Variants in RIC1 observed in about 807,000 individuals in gnomAD.
RIC1 encodes the protein guanine nucleotide exchange factor subunit RIC1.
A neutral mutation model predicts 169.0 loss-of-function variants in RIC1; 88 were observed. The observed-to-expected ratio is 0.52, with a 90% confidence interval of 0.44 to 0.62. RIC1 has a LOEUF of 0.62. RIC1 is among the 20% of genes least tolerant of loss of function. RIC1 has a pLI of 0.00. For synonymous variants in RIC1, 790 were observed against 601.5 expected, an observed-to-expected ratio of 1.31 and a Z score of -4.59; for missense variants, 1,877 against 1,725.5, an observed-to-expected ratio of 1.09 and a Z score of -1.56.
At chr9:5,752,275 G>C (rs1223763609) in intron 12 of RIC1, among the ~76,000 whole-genome samples, 1 of 151,972 alleles carries the variant, frequency 6.6e-6, no homozygotes, top group Non-Finnish European at 1.5e-5. Context: ...TTGTAGATAA[G>C]TAAGTCAAAT....
intron 3 of RIC1, among the ~76,000 whole-genome samples, chr9:5,697,098 G>T (rs768370852): frequency 6.6e-6 from 1 of 152,148 alleles, no homozygotes; most frequent in Admixed American, 6.5e-5. Flanking sequence ...CTATGTATTT[G>T]GATAGTATTC....
intron 1 of RIC1, among the ~76,000 whole-genome samples, chr9:5,647,052 T>G (rs1302319710): frequency 6.6e-6 from 1 of 152,228 alleles, no homozygotes; most frequent in Non-Finnish European, 1.5e-5. Context: ...CAGCACTGTT[T>G]GTTGAAAAGA....
chr9:5,639,914 G>A (rs1053189224), intron 1 of RIC1, among the ~76,000 whole-genome samples: 2 of 151,958 alleles, frequency 1.3e-5, no homozygotes, highest in African/African-American at 2.4e-5. Context: ...GTTTCCATTG[G>A]CATGTAATAT....
intron 17 of RIC1, 143 bp downstream of exon 17, chr9:5,757,594 A>G (rs923188563): frequency 2.6e-6 from 2 of 780,094 alleles, no homozygotes; most frequent in Non-Finnish European, 4.0e-6. Flanking sequence ...GCAGTGGCAA[A>G]TTAAAAAGAC....
downstream of RIC1, among the ~76,000 whole-genome samples, chr9:5,778,282 TTTC>T (rs1827687929): frequency 6.6e-6 from 1 of 152,194 alleles, no homozygotes; most frequent in South Asian, 2.1e-4. Flanking sequence ...CATCAAACTT[TTTC>T]TTTTTTGTGG....
At chr9:5,754,539 G>A (rs973575077) in intron 14 of RIC1, among the ~76,000 whole-genome samples, 2 of 152,060 alleles carry the variant, frequency 1.3e-5, no homozygotes, top group Non-Finnish European at 2.9e-5. Context: ...GACCAGCCTG[G>A]CCAACATGAC....
At chr9:5,756,463 C>A in intron 16 of RIC1, 91 bp downstream of exon 16, 1 of 822,124 alleles carries the variant, frequency 1.2e-6, no homozygotes, top group Non-Finnish European at 1.7e-6. Flanking sequence ...AGTTATTCCA[C>A]TTTTATATTC....
Position 5,695,604 on chromosome 9 carries a change from G to A in RIC1, c.332+5566G>A, listed in dbSNP as rs140892031. On this transcript the variant is annotated intron_variant, in intron 3 of 25. Coordinates refer to ENST00000414202, the MANE Select transcript of RIC1 (RefSeq NM_020829.4). ...TTTTTTTTTTTTGAGACAGAGTCTC[G>A]CTCTGTCGCCTGTGCTGGAGTGCAG... Among the ~76,000 whole-genome samples, 880 of 135,346 alleles carry A rather than the reference G, an allele frequency of 6.5e-3. 14 individuals carry two copies. The highest frequency in any genetic ancestry group is 0.023 in the African/African-American group (839 of 35,922). The allele number at this position is 135,346 out of a possible 152,430, so 88.8% of individuals were successfully genotyped here. A position where few individuals can be genotyped will look rare whatever the true frequency, so the allele number is the denominator to read the frequency against.
rs998918065 is a variant in RIC1, at chr9:5,641,842, T to C, written c.144+12389T>C. Among the ~76,000 whole-genome samples the C allele has an allele frequency of 6.2e-5, 9 of 144,490 alleles. 3 individuals carry two copies. The highest frequency in any genetic ancestry group is 2.6e-4 in the African/African-American group (9 of 35,218). The allele number at this position is 144,490 out of a possible 152,430, so 94.8% of individuals were successfully genotyped here. ...CTTCTCTGTGTTATCTTCAATTTCT[T>C]TGACTTTCCTCAACATAGCTATTTT... On this transcript the variant is annotated intron_variant, in intron 1 of 25. Transcript: ENST00000414202.
At chr9:5,735,893 A>G (rs1824673792) in intron 7 of RIC1, among the ~76,000 whole-genome samples, 1 of 152,222 alleles carries the variant, frequency 6.6e-6, no homozygotes. Context: ...AATGACACTA[A>G]ATTTGATCAC....
intron 24 of RIC1, 69 bp downstream of exon 24, chr9:5,772,810 T>A: frequency 6.5e-7 from 1 of 1,548,126 alleles, no homozygotes. Context: ...GGTATGGGGC[T>A]ACTCTCCTAA....
Position 5,662,922 on chromosome 9 carries a change from T to A in RIC1, c.252+6232T>A, listed in dbSNP as rs146430188. ...TTCTCTAGTTCTCTTAGTTGTGGTG[T>A]TAGGTTGTTAACTTGAGATCTTTGT... On this transcript the variant is annotated intron_variant, in intron 2 of 25. Coordinates refer to ENST00000414202, the MANE Select transcript of RIC1 (RefSeq NM_020829.4). Among the ~76,000 whole-genome samples, 100 of 152,356 alleles carry A rather than the reference T, an allele frequency of 6.6e-4. 1 individual carries two copies. The East Asian group carries it at 0.019, about 28-fold the overall frequency.
intron 17 of RIC1, among the ~76,000 whole-genome samples, chr9:5,761,104 CTTTTTTTTT>C (rs71326188): frequency 2.1e-5 from 2 of 94,666 alleles, no homozygotes; most frequent in Admixed American, 1.3e-4. Flanking sequence ...CCAGCCTCAC[CTTTTTTTTT>C]TTTTTTTTTT....
intron 6 of RIC1, among the ~76,000 whole-genome samples, chr9:5,723,242 C>T (rs920274243): frequency 6.6e-6 from 1 of 152,184 alleles, no homozygotes; most frequent in Non-Finnish European, 1.5e-5. Context: ...TTTTAATGAT[C>T]ACCATTTTAA....
intron 4 of RIC1, among the ~76,000 whole-genome samples, chr9:5,714,882 G>A (rs1391369136): frequency 6.6e-6 from 1 of 152,112 alleles, no homozygotes; most frequent in Non-Finnish European, 1.5e-5. Context: ...CTATGTAAAT[G>A]TATTGAATTA....
intron 1 of RIC1, among the ~76,000 whole-genome samples, chr9:5,650,383 G>C (rs1818739386): frequency 1.3e-5 from 2 of 152,050 alleles, no homozygotes; most frequent in African/African-American, 4.8e-5. Flanking sequence ...GGGCCCTTGG[G>C]GGTATGTGGT....
At chr9:5,659,990 C>A (rs1243805313) in intron 2 of RIC1, among the ~76,000 whole-genome samples, 38 of 152,132 alleles carry the variant, frequency 2.5e-4, no homozygotes, top group Admixed American at 2.5e-3. Flanking sequence ...AGATGCTCTC[C>A]CTCATCCTGC....
chr9:5,776,889 A>G (rs373008350), downstream of RIC1, among the ~76,000 whole-genome samples: 50 of 152,254 alleles, frequency 3.3e-4, no homozygotes, highest in South Asian at 9.5e-3. Flanking sequence ...GTCATTTCTA[A>G]TAAGCGGGAT....
chr9:5,683,983 C>T (rs1303768025), intron 2 of RIC1, among the ~76,000 whole-genome samples: 2 of 152,182 alleles, frequency 1.3e-5, no homozygotes, highest in African/African-American at 4.8e-5. Flanking sequence ...CATTTGTTAA[C>T]CCTGTTGGAA....
Sources: gnomAD v4.1 joint callset for allele counts (sites outside exome capture counted in the v4.1 genomes callset) on GRCh38, gnomAD v4.1.1 for gene constraint, MANE v1.5 for transcripts, NCBI Gene and HGNC (gene_info 2026-07-23, HGNC 2026-07-21) for gene names.